The following STX5 variants were observed in gnomAD, a reference collection of about 807,000 sequenced individuals.
The protein encoded by STX5 is syntaxin 5, also known as syntaxin-5.
In STX5, 15 loss-of-function variants were observed where a neutral mutation model predicts 42.9. The ratio of observed to expected loss-of-function variants is 0.35; its 90% confidence interval spans 0.23 to 0.54. The LOEUF is 0.54. Ranked by LOEUF, STX5 falls within the 20% of genes least tolerant of loss-of-function variation. The pLI is 0.91. For missense variants in STX5, 430 were observed against 455.0 expected (o/e 0.95, Z 0.50); for synonymous variants, 184 against 173.2 (o/e 1.06, Z -0.49).
chr11:62,819,386 C>T (rs1285124926), intron 10 of STX5, among the ~76,000 whole-genome samples: 1 of 151,380 alleles, frequency 6.6e-6, no homozygotes, highest in Non-Finnish European at 1.5e-5. Context: ...AGTGCTTCTT[C>T]AGGATAAAGG....
At position 62,827,386 on chromosome 11, in the gene STX5, T is replaced by C; in HGVS notation, c.309A>G (p.Lys103=). 1.2e-6 allele frequency: 2 copies of C among 1,614,202 alleles called. No individual in the cohort carries two copies. The highest frequency in any genetic ancestry group is 1.7e-6 in the Non-Finnish European group (2 of 1,180,046). The change falls in exon 4 of 11, where the codon AAA becomes AAG. Residue 103 remains lysine, a synonymous_variant. Coordinates refer to ENST00000294179, the MANE Select transcript of STX5 (RefSeq NM_003164.5). ...GCTTGGCAAATGTGTTGCTAAGGTCTTTCCCAATGCGCCTGCAAATGACCA... is the reference window on the plus strand; with the variant it reads ...GCTTGGCAAATGTGTTGCTAAGGTCCTTCCCAATGCGCCTGCAAATGACCA... ...EFTLMAKRIG[K]DLSNTFAKLE...
Position 62,824,474 on chromosome 11 carries a change from C to G in STX5, c.771G>C (p.Gln257His), listed in dbSNP as rs1330244578. 1.9e-6 allele frequency: 3 copies of G among 1,614,084 alleles called. No individual in the cohort carries two copies. The African/African-American group carries it at 4.0e-5, about 22-fold the overall frequency. ...MMDSRTSQQL[Q>H]LIDEQDSYIQ... ...GCCTGGGTACCTGCTCGTCAATGAG[C>G]TGCAGCTGCTGGCTGGTCCGAGAGT... The change falls in exon 9 of 11, where the codon CAG (glutamine) becomes CAC (histidine). Residue 257 changes from glutamine to histidine, a missense_variant. Coordinates refer to ENST00000294179, the MANE Select transcript of STX5 (RefSeq NM_003164.5).
chr11:62,823,270 G>C (rs1260330437), intron 10 of STX5, among the ~76,000 whole-genome samples: 1 of 151,790 alleles, frequency 6.6e-6, no homozygotes, highest in East Asian at 1.9e-4. Context: ...AACCTCCCAT[G>C]CTTAAGTCAT....
intron 10 of STX5, among the ~76,000 whole-genome samples, chr11:62,813,715 A>G (rs1278315297): frequency 6.6e-6 from 1 of 152,190 alleles, no homozygotes; most frequent in African/African-American, 2.4e-5. Context: ...GCAGGAGTGG[A>G]TTCCTAAAAC....
intron 10 of STX5, among the ~76,000 whole-genome samples, chr11:62,813,236 T>C (rs1210953692): frequency 2.0e-5 from 3 of 152,172 alleles, no homozygotes; most frequent in Non-Finnish European, 4.4e-5. Context: ...ATAATGCCAC[T>C]GCACTGCAGC....
chr11:62,824,101 C>CT, intron 10 of STX5, 65 bp downstream of exon 10: 2 of 1,611,122 alleles, frequency 1.2e-6, no homozygotes, highest in Non-Finnish European at 1.7e-6. Context: ...TCCCTGGGGA[C>CT]TTTAAGATGC....
chr11:62,811,738 C>T (rs1451710681), intron 10 of STX5, among the ~76,000 whole-genome samples: 3 of 151,608 alleles, frequency 2.0e-5, no homozygotes, highest in Non-Finnish European at 2.9e-5. Context: ...TAATCTGCCT[C>T]GGCCTCCCAA....
At chr11:62,820,519 T>C (rs2084729280) in intron 10 of STX5, among the ~76,000 whole-genome samples, 1 of 148,372 alleles carries the variant, frequency 6.7e-6, no homozygotes, top group African/African-American at 2.5e-5. Flanking sequence ...ATTTTCTTTT[T>C]CTTTTTTTTT....
At chr11:62,823,761 G>C (rs2084764249) in intron 10 of STX5, among the ~76,000 whole-genome samples, 1 of 151,842 alleles carries the variant, frequency 6.6e-6, no homozygotes, top group Non-Finnish European at 1.5e-5. Context: ...TGCCCAAACT[G>C]GTCTTGAATT....
chr11:62,815,348 G>A (rs965472245), intron 10 of STX5, among the ~76,000 whole-genome samples: 1 of 151,754 alleles, frequency 6.6e-6, no homozygotes, highest in Non-Finnish European at 1.5e-5. Context: ...TATTTTTTAG[G>A]ACAGAGTATC....
intron 10 of STX5, among the ~76,000 whole-genome samples, chr11:62,821,082 G>A (rs1429206133): frequency 1.3e-5 from 2 of 151,880 alleles, no homozygotes. Context: ...GGCCGAGGCA[G>A]GCAGATCACA....
intron 7 of STX5, 57 bp downstream of exon 7, chr11:62,825,226 T>C: frequency 6.2e-7 from 1 of 1,612,810 alleles, no homozygotes; most frequent in South Asian, 1.1e-5. Context: ...CCTTCTTCAT[T>C]TCCCTCTTGG....
chr11:62,824,394 C>T, intron 9 of STX5, 65 bp downstream of exon 9: 1 of 1,613,138 alleles, frequency 6.2e-7, no homozygotes, highest in South Asian at 1.1e-5. Flanking sequence ...ACACTCCAAA[C>T]ACTCTCTCGG....
chr11:62,807,731 C>G (rs1011631933), intron 10 of STX5, 103 bp from the exon 11 acceptor site: 2 of 1,521,070 alleles, frequency 1.3e-6, no homozygotes, highest in African/African-American at 2.8e-5. Context: ...CAATATGATC[C>G]CATTCTTATA....
intron 8 of STX5, among the ~76,000 whole-genome samples, chr11:62,824,807 A>G (rs1467827880): frequency 1.3e-5 from 2 of 152,252 alleles, no homozygotes; most frequent in Non-Finnish European, 2.9e-5. Context: ...AAAAAAAATT[A>G]GAAATTATCA....
chr11:62,827,370 A>T lies in STX5; in HGVS notation c.325T>A (p.Phe109Ile). The part of the protein sequence containing the change: ...KRIGKDLSNT[F>I]AKLEKLTILA... The stretch of plus-strand genomic sequence containing the variant: ...ATTGTCAGCTTCTCCAGCTTGGCAA[A>T]TGTGTTGCTAAGGTCTTTCCCAATG... The change falls in exon 4 of 11, where the codon TTT becomes ATT. Residue 109 changes from phenylalanine (F) to isoleucine (I), a missense_variant. Transcript: ENST00000294179. 1 of 1,614,218 alleles carries T rather than the reference A, an allele frequency of 6.2e-7. No individual in the cohort carries two copies. The highest frequency in any genetic ancestry group is 8.5e-7 in the Non-Finnish European group (1 of 1,180,054).
intron 2 of STX5, 113 bp downstream of exon 2, chr11:62,830,906 T>C: frequency 1.0e-6 from 1 of 995,970 alleles, no homozygotes; most frequent in Non-Finnish European, 1.6e-6. Flanking sequence ...CATCCAAGCC[T>C]ATCAGTTCCA....
chr11:62,826,567 T>A (rs2084798382), intron 5 of STX5, among the ~76,000 whole-genome samples: 1 of 148,920 alleles, frequency 6.7e-6, no homozygotes, highest in Non-Finnish European at 1.5e-5. Flanking sequence ...CAAAAAATAA[T>A]AATAAATAAA....
intron 10 of STX5, among the ~76,000 whole-genome samples, chr11:62,817,925 TA>T (rs2084693252): frequency 6.6e-6 from 1 of 152,120 alleles, no homozygotes; most frequent in South Asian, 2.1e-4. Context: ...GAAAAATGTT[TA>T]AAGTAATAAT....
Sources: allele counts gnomAD v4.1 joint callset (sites outside exome capture counted in the v4.1 genomes callset), GRCh38; gene constraint gnomAD v4.1.1; transcripts MANE v1.5; gene names NCBI Gene and HGNC (gene_info 2026-07-23, HGNC 2026-07-21).